The following GYPE variants were observed in gnomAD, a reference collection of about 807,000 sequenced individuals.
The protein encoded by GYPE is glycophorin-E.
Under a neutral mutation model 11.6 loss-of-function variants are expected in GYPE, and 8 were observed. That is an observed-to-expected ratio of 0.69 (90% confidence interval 0.41 to 1.25). The LOEUF is 1.25. Among genes scored for constraint, GYPE ranks in the 50% most tolerant of loss-of-function variants. The probability of loss-of-function intolerance (pLI) is 0.01; values close to 1 mark genes in which losing one functional copy is unlikely to be tolerated. For missense variants in GYPE, 90 were observed against 92.8 expected (o/e 0.97, Z 0.12); for synonymous variants, 28 against 29.6 (o/e 0.94, Z 0.18).
chr4:143,877,273 T>C (rs1393763796), intron 2 of GYPE, among the ~76,000 whole-genome samples: 5 of 152,142 alleles, frequency 3.3e-5, no homozygotes, highest in African/African-American at 1.2e-4. Flanking sequence ...GAACAGATCA[T>C]AGAATCATAA....
chr4:143,873,478 A>G (rs1055533231), intron 3 of GYPE: 13 of 455,552 alleles, frequency 2.9e-5, no homozygotes, highest in African/African-American at 6.0e-5. Context: ...AACACAACCT[A>G]CAAGAGAGAA....
intron 3 of GYPE, chr4:143,875,617 C>G: frequency 1.3e-6 from 2 of 1,511,296 alleles, no homozygotes; most frequent in Non-Finnish European, 1.8e-6. Context: ...AGGGTGTAGC[C>G]AATTGGAGGC....
At chr4:143,877,578 A>G (rs931723232) in intron 2 of GYPE, among the ~76,000 whole-genome samples, 10 of 152,208 alleles carry the variant, frequency 6.6e-5, no homozygotes, top group African/African-American at 2.4e-4. Context: ...AATAGAATGG[A>G]AGGCTAGACA....
At chr4:143,894,772 C>T (rs529690685) in intron 1 of GYPE, among the ~76,000 whole-genome samples, 7 of 152,122 alleles carry the variant, frequency 4.6e-5, no homozygotes, top group Non-Finnish European at 7.4e-5. Context: ...CCTGGCAAAC[C>T]GAATCCAGCA....
At chr4:143,888,985 G>T (rs1355806314) in intron 1 of GYPE, among the ~76,000 whole-genome samples, 1 of 130,654 alleles carries the variant, frequency 7.7e-6, no homozygotes. Flanking sequence ...TCAGCCAATG[G>T]CTCTGGAGAA....
At chr4:143,878,941 T>G (rs1409624315) in intron 2 of GYPE, among the ~76,000 whole-genome samples, 2 of 152,152 alleles carry the variant, frequency 1.3e-5, no homozygotes, top group Non-Finnish European at 2.9e-5. Context: ...GGGAAAGGAA[T>G]GAGAAAGTAT....
At chr4:143,893,884 T>C (rs1241116186) in intron 1 of GYPE, among the ~76,000 whole-genome samples, 1 of 152,182 alleles carries the variant, frequency 6.6e-6, no homozygotes, top group African/African-American at 2.4e-5. Flanking sequence ...GAAGTTCTCC[T>C]GGATAATATC....
intron 3 of GYPE, among the ~76,000 whole-genome samples, chr4:143,874,669 G>T (rs1170551040): frequency 6.6e-6 from 1 of 152,204 alleles, no homozygotes; most frequent in African/African-American, 2.4e-5. Flanking sequence ...TGTATCTGGT[G>T]TGTACTCGAA....
intron 1 of GYPE, among the ~76,000 whole-genome samples, chr4:143,901,023 G>A (rs1241031084): frequency 6.6e-6 from 1 of 152,144 alleles, no homozygotes; most frequent in African/African-American, 2.4e-5. Flanking sequence ...TATGTAAATC[G>A]CTTAGAACAG....
At chr4:143,892,537 A>T (rs1333307195) in intron 1 of GYPE, among the ~76,000 whole-genome samples, 1 of 151,600 alleles carries the variant, frequency 6.6e-6, no homozygotes, top group African/African-American at 2.4e-5. Flanking sequence ...TTCAAAGAAC[A>T]TCTTTATTTC....
At chr4:143,899,706 A>G (rs1327241165) in intron 1 of GYPE, among the ~76,000 whole-genome samples, 1 of 144,734 alleles carries the variant, frequency 6.9e-6, no homozygotes, top group Non-Finnish European at 1.5e-5. Context: ...TGTCAAGACC[A>G]TTCAATGGGC....
intron 3 of GYPE, among the ~76,000 whole-genome samples, chr4:143,876,204 C>A (rs1415282808): frequency 2.0e-5 from 3 of 151,958 alleles, no homozygotes; most frequent in Admixed American, 2.0e-4. Flanking sequence ...GCCTTTATTT[C>A]CCAGGCTGAA....
chr4:143,895,212 A>G (rs1275007326), intron 1 of GYPE, among the ~76,000 whole-genome samples: 3 of 152,176 alleles, frequency 2.0e-5, no homozygotes, highest in Non-Finnish European at 4.4e-5. Flanking sequence ...GAGGAAGTCA[A>G]ATTGTCCCTG....
intron 1 of GYPE, among the ~76,000 whole-genome samples, chr4:143,881,811 T>C (rs6824687): frequency 0.25 from 38,513 of 152,090 alleles, 5,086 homozygotes; most frequent in East Asian, 0.36. Context: ...CTCTTTGAGA[T>C]ATTCAAATGA....
intron 1 of GYPE, among the ~76,000 whole-genome samples, chr4:143,890,835 C>T (rs2149911257): frequency 6.6e-6 from 1 of 151,946 alleles, no homozygotes; most frequent in East Asian, 1.9e-4. Context: ...CTCACTTCCT[C>T]CCTCAATTCG....
chr4:143,900,722 A>G (rs564699750), intron 1 of GYPE, among the ~76,000 whole-genome samples: 3 of 152,306 alleles, frequency 2.0e-5, no homozygotes, highest in East Asian at 3.9e-4. Flanking sequence ...AAGTGAAAGA[A>G]GCCATACACA....
chr4:143,890,561 T>C (rs1744365691), intron 1 of GYPE, among the ~76,000 whole-genome samples: 2 of 152,222 alleles, frequency 1.3e-5, no homozygotes, highest in South Asian at 4.1e-4. Flanking sequence ...TAGAATCATC[T>C]GTGATATCCA....
At chr4:143,872,415 T>C (rs1455064351) in intron 3 of GYPE, among the ~76,000 whole-genome samples, 163 bp from the exon 4 acceptor site, 6 of 152,048 alleles carry the variant, frequency 3.9e-5, no homozygotes, top group African/African-American at 1.4e-4. Flanking sequence ...TATAAGCAAA[T>C]TTAAAAAATT....
At chr4:143,889,202 A>C (rs1469108422) in intron 1 of GYPE, among the ~76,000 whole-genome samples, 1 of 151,922 alleles carries the variant, frequency 6.6e-6, no homozygotes, top group Admixed American at 6.6e-5. Flanking sequence ...GCTTCCCTTC[A>C]GGAAGCCTGA....
Sources: gnomAD v4.1 joint callset for allele counts (sites outside exome capture counted in the v4.1 genomes callset) on GRCh38, gnomAD v4.1.1 for gene constraint, MANE v1.5 for transcripts, NCBI Gene and HGNC (gene_info 2026-07-23, HGNC 2026-07-21) for gene names.